Variants in TANGO2 observed in about 807,000 individuals in gnomAD.
TANGO2 encodes transport and Golgi organization protein 2 homolog.
A neutral mutation model predicts 39.1 loss-of-function variants in TANGO2; 26 were observed. The ratio of observed to expected loss-of-function variants is 0.67; its 90% CI spans 0.49 to 0.92. The LOEUF (loss-of-function observed/expected upper bound fraction) is 0.92, where lower values mean the gene tolerates loss of function less well. Ranked by LOEUF, TANGO2 falls within the 40% of genes least tolerant of loss-of-function variation. TANGO2 has a pLI of 0.00. For missense variants in TANGO2, 326 were observed against 360.1 expected, an observed-to-expected ratio of 0.91 and a Z score of 0.77; for synonymous variants, 131 against 144.5, an observed-to-expected ratio of 0.91 and a Z score of 0.67.
upstream of TANGO2, among the ~76,000 whole-genome samples, chr22:20,019,618 C>T (rs556249569): frequency 1.3e-5 from 2 of 152,350 alleles, no homozygotes; most frequent in Admixed American, 6.5e-5. Context: ...AAAGGGAAAC[C>T]TTGGTCAACT....
intron 6 of TANGO2, chr22:20,056,884 C>T: frequency 2.2e-6 from 1 of 456,640 alleles, no homozygotes; most frequent in Non-Finnish European, 4.4e-6. Context: ...CCTTAAACGC[C>T]CGCTCTGGTC....
intron 2 of TANGO2, among the ~76,000 whole-genome samples, chr22:20,038,679 T>C (rs984259364): frequency 6.6e-6 from 1 of 152,106 alleles, no homozygotes; most frequent in Admixed American, 6.6e-5. Flanking sequence ...ACTGAGCAAA[T>C]GTGCGCTGTG....
chr22:20,042,390 G>T (rs2044130439), intron 2 of TANGO2, among the ~76,000 whole-genome samples: 1 of 152,186 alleles, frequency 6.6e-6, no homozygotes, highest in South Asian at 2.1e-4. Context: ...TAATGTCCAA[G>T]CTGGGACTTG....
In TANGO2 at chr22:20,064,766, C is replaced by T; in HGVS notation, c.*104C>T. 1 of 1,448,026 alleles carries T rather than the reference C, an allele frequency of 6.9e-7. No individual in the cohort carries two copies. The highest frequency in any genetic ancestry group is 9.3e-7 in the Non-Finnish European group (1 of 1,071,824). The allele number at this position is 1,448,026 out of a possible 1,614,324, so 89.7% of individuals were successfully genotyped here. A position where few individuals can be genotyped will look rare whatever the true frequency, so the allele number is the denominator to read the frequency against. The stretch of plus-strand genomic sequence containing the variant: ...CCATACTGCATTGCACTGCCCGTGG[C>T]TTGGCCAGCATCCCCCGGATCAGGG... On this transcript the variant is annotated 3_prime_UTR_variant, in exon 9 of 9. Coordinates refer to ENST00000327374, the MANE Select transcript of TANGO2 (RefSeq NM_152906.7).
chr22:20,041,528 G>A (rs1266887843), intron 2 of TANGO2, among the ~76,000 whole-genome samples: 3 of 152,098 alleles, frequency 2.0e-5, no homozygotes, highest in African/African-American at 7.2e-5. Flanking sequence ...TAGCCAGGAT[G>A]GTCTCGATCT....
chr22:20,020,615 A>T (rs1256977717), upstream of TANGO2, among the ~76,000 whole-genome samples: 1 of 152,046 alleles, frequency 6.6e-6, no homozygotes, highest in African/African-American at 2.4e-5. Flanking sequence ...TCAGGGAGGA[A>T]AGAGCCGACC....
chr22:20,036,871 G>A lies in TANGO2; in HGVS notation c.56+17G>A. The A allele has an allele frequency of 6.2e-7, 1 of 1,614,204 alleles. No individual in the cohort carries two copies. Among genetic ancestry groups the A allele is most frequent in the Non-Finnish European group, 8.5e-7 (1 of 1,180,040 alleles). ...CGCGTACAGGTAACCCCCTCGCTCT[G>A]CATCTGCTGCGCCCTGCAGGGTCCT... On this transcript the variant is annotated intron_variant, in intron 2 of 8. Transcript: ENST00000327374.
Position 20,036,821 on chromosome 22 carries a change from T to C in TANGO2, c.23T>C (p.Phe8Ser). The C allele has an allele frequency of 6.2e-7, 1 of 1,614,240 alleles. No individual in the cohort carries two copies. The highest frequency in any genetic ancestry group is 8.5e-7 in the Non-Finnish European group (1 of 1,180,040). ...ACCATGTGCATCATCTTCTTTAAGTTTGATCCTCGCCCTGTTTCCAAAAAC... is the reference window on the plus strand; with the variant it reads ...ACCATGTGCATCATCTTCTTTAAGTCTGATCCTCGCCCTGTTTCCAAAAAC... MCIIFFK[F>S]DPRPVSKNAY... Residue 8 changes from phenylalanine (F) to serine (S), a missense_variant, in exon 2 of 9, where the codon TTT (phenylalanine) becomes TCT (serine). Coordinates refer to ENST00000327374, the MANE Select transcript of TANGO2 (RefSeq NM_152906.7).
chr22:20,019,479 A>G (rs1242538983), upstream of TANGO2, among the ~76,000 whole-genome samples: 1 of 152,156 alleles, frequency 6.6e-6, no homozygotes, highest in Non-Finnish European at 1.5e-5. Flanking sequence ...AGAAGATCAG[A>G]GTGTCTGCTC....
chr22:20,038,937 TA>T (rs200354461), intron 2 of TANGO2, among the ~76,000 whole-genome samples: 20,131 of 140,328 alleles, frequency 0.14, 2,195 homozygotes, highest in East Asian at 0.5. Flanking sequence ...TTTTTTTTTT[TA>T]TTATTATTAT....
chr22:20,066,641 A>T lies in TANGO2; in HGVS notation c.*1979A>T, dbSNP rs1306394017. 1.3e-5 allele frequency among the ~76,000 whole-genome samples: 2 copies of T among 152,144 alleles called. No homozygotes were observed. Among genetic ancestry groups the T allele is most frequent in the Admixed American group, 6.5e-5 (1 of 15,278 alleles). ...GCTGCACCCCCAGGCCTGAGGAGAA[A>T]CTGAGGCCCCACATCCCATACGTGT... On this transcript the variant is annotated 3_prime_UTR_variant, in exon 9 of 9. Coordinates refer to ENST00000327374, the MANE Select transcript of TANGO2 (RefSeq NM_152906.7).
At chr22:20,020,922 G>A (rs1455138627), upstream of TANGO2, 1 of 152,148 alleles carries the variant, frequency 6.6e-6, no homozygotes, top group Non-Finnish European at 1.5e-5. Flanking sequence ...GCAGCCCGAA[G>A]CTTTGGCGCA....
At chr22:20,060,433 G>A (rs542457445) in intron 6 of TANGO2, among the ~76,000 whole-genome samples, 7 of 150,922 alleles carry the variant, frequency 4.6e-5, no homozygotes, top group African/African-American at 1.7e-4. Context: ...TAACTTTTAT[G>A]TTTTGTAGAG....
chr22:20,061,543 G>T lies in TANGO2; in HGVS notation c.465G>T (p.Leu155=), dbSNP rs1485590350. The change falls in exon 7 of 9, where the codon CTG becomes CTT. Residue 155 remains leucine, a synonymous_variant. Coordinates refer to ENST00000327374, the MANE Select transcript of TANGO2 (RefSeq NM_152906.7). Reference sequence around the variant, plus strand: ...TGCTCCTCACAGGCACCTACGGGCTGAGCAACGCGCTGCTGGAGACTCCCT... The same window carrying T: ...TGCTCCTCACAGGCACCTACGGGCTTAGCAACGCGCTGCTGGAGACTCCCT... ...PIVLTPGTYG[L]SNALLETPWR... is the part of the protein sequence containing the mutation. 1.2e-6 allele frequency: 2 copies of T among 1,606,322 alleles called. No individual in the cohort carries two copies. The highest frequency in any genetic ancestry group is 1.7e-6 in the Non-Finnish European group (2 of 1,177,142).
chr22:20,056,305 CTGTGCCGTCCCAG>C, intron 6 of TANGO2: 1 of 625,222 alleles, frequency 1.6e-6, no homozygotes, highest in Non-Finnish European at 3.0e-6. Context: ...GCCTCACTTC[CTGTGCCGTCCCAG>C]TGTGCCCTGT....
intron 5 of TANGO2, 176 bp downstream of exon 5, chr22:20,053,727 G>A (rs1325265154): frequency 3.1e-6 from 2 of 646,604 alleles, no homozygotes; most frequent in Non-Finnish European, 5.7e-6. Context: ...ACCAACTCGG[G>A]TATTTGGGGG....
rs574530851 is a variant in TANGO2, at chr22:20,047,482, G to A, written c.145+4039G>A. Among the ~76,000 whole-genome samples, 87 of 152,154 alleles carry A rather than the reference G, an allele frequency of 5.7e-4. 1 individual carries two copies. Among genetic ancestry groups the A allele is most frequent in the Non-Finnish European group, 1.1e-3 (72 of 67,980 alleles). On this transcript the variant is annotated intron_variant, in intron 3 of 8. Transcript: ENST00000327374. ...ACTCTTGACCTCAGGCAATCCACCCGCCTCAGCCTCCCAAAATGCTGAGAT... is the reference window on the plus strand; with the variant it reads ...ACTCTTGACCTCAGGCAATCCACCCACCTCAGCCTCCCAAAATGCTGAGAT...
At chr22:20,024,680 C>G (rs1195472088) in intron 1 of TANGO2, among the ~76,000 whole-genome samples, 1 of 152,240 alleles carries the variant, frequency 6.6e-6, no homozygotes, top group East Asian at 1.9e-4. Context: ...GATGGCTACC[C>G]TCCCAAGTGT....
chr22:20,026,474 AG>A (rs1229761074), intron 1 of TANGO2, among the ~76,000 whole-genome samples: 1 of 152,160 alleles, frequency 6.6e-6, no homozygotes, highest in Non-Finnish European at 1.5e-5. Context: ...ATTTTGGGAC[AG>A]GGAGGGCCTT....
Sources: gnomAD v4.1 joint callset for allele counts (sites outside exome capture counted in the v4.1 genomes callset) on GRCh38, gnomAD v4.1.1 for gene constraint, MANE v1.5 for transcripts, NCBI Gene and HGNC (gene_info 2026-07-23, HGNC 2026-07-21) for gene names.